UGT1A9: variants seen among roughly 807,000 people sequenced by gnomAD.
UGT1A9 encodes UDP-glucuronosyltransferase 1A9.
A neutral mutation model predicts 45.0 loss-of-function variants in UGT1A9; 35 were observed. That is an observed-to-expected ratio of 0.78 (90% CI 0.59 to 1.03). UGT1A9 has a LOEUF of 1.03. Among genes scored for constraint, UGT1A9 ranks in the 50% least tolerant of loss-of-function variants. The pLI is 0.00. For missense variants in UGT1A9, 687 were observed against 666.6 expected (o/e 1.03, Z -0.34); for synonymous variants, 278 against 250.6 (o/e 1.11, Z -1.03).
At chr2:233,683,891 C>T (rs1216790606) in intron 1 of UGT1A9, among the ~76,000 whole-genome samples, 12 of 152,068 alleles carry the variant, frequency 7.9e-5, no homozygotes, top group Non-Finnish European at 1.8e-4. Context: ...GGTATTTATA[C>T]CTCTTATTTT....
intron 1 of UGT1A9, among the ~76,000 whole-genome samples, chr2:233,736,258 T>G (rs1302567098): frequency 2.0e-5 from 3 of 152,238 alleles, no homozygotes; most frequent in Non-Finnish European, 2.9e-5. Flanking sequence ...ATTTCATTAA[T>G]TTGATCTTCA....
chr2:233,699,520 G>A (rs998793115), intron 1 of UGT1A9, among the ~76,000 whole-genome samples: 3 of 152,142 alleles, frequency 2.0e-5, no homozygotes, highest in Non-Finnish European at 2.9e-5. Flanking sequence ...CAAGCCTTCC[G>A]AAGGACAGGG....
intron 1 of UGT1A9, chr2:233,754,615 C>T (rs1360410521): frequency 2.3e-6 from 1 of 438,040 alleles, no homozygotes; most frequent in Non-Finnish European, 4.6e-6. Context: ...TCTCCATCTT[C>T]CTCCACTTCC....
intron 1 of UGT1A9, chr2:233,713,393 T>C (rs780535548): frequency 4.3e-6 from 7 of 1,614,220 alleles, no homozygotes; most frequent in South Asian, 3.3e-5. Flanking sequence ...TACTGCATAA[T>C]GAGGCCCTGA....
chr2:233,764,152 G>C (rs1467176799), intron 1 of UGT1A9, among the ~76,000 whole-genome samples: 3 of 152,176 alleles, frequency 2.0e-5, no homozygotes, highest in Non-Finnish European at 2.9e-5. Flanking sequence ...ATTTTGGCTG[G>C]TGAAGTCTCA....
chr2:233,692,548 A>G (rs904295361), intron 1 of UGT1A9, among the ~76,000 whole-genome samples: 3 of 152,216 alleles, frequency 2.0e-5, no homozygotes, highest in African/African-American at 7.2e-5. Context: ...TCAGAATGGA[A>G]TTGAATTGTA....
chr2:233,754,969 T>G (rs1369050195), intron 1 of UGT1A9: 1 of 1,302,528 alleles, frequency 7.7e-7, no homozygotes, highest in East Asian at 4.6e-5. Flanking sequence ...AAGAACTCCC[T>G]GAAGACCTCG....
chr2:233,739,854 G>A (rs1377915953), intron 1 of UGT1A9, among the ~76,000 whole-genome samples: 3 of 151,892 alleles, frequency 2.0e-5, no homozygotes, highest in Non-Finnish European at 4.4e-5. Context: ...ATGGGCCAGA[G>A]GGCAGAATGA....
chr2:233,717,696 G>A (rs1442424545), intron 1 of UGT1A9: 1 of 445,086 alleles, frequency 2.2e-6, no homozygotes, highest in Non-Finnish European at 4.6e-6. Context: ...GTGACTTTCT[G>A]GAGCAGGACG....
chr2:233,746,979 C>T (rs908945089), intron 1 of UGT1A9, among the ~76,000 whole-genome samples: 13 of 151,732 alleles, frequency 8.6e-5, no homozygotes, highest in African/African-American at 1.9e-4. Flanking sequence ...CCAGAGCGAG[C>T]GCAGGGTCAG....
At chr2:233,738,769 T>C (rs1352838892) in intron 1 of UGT1A9, among the ~76,000 whole-genome samples, 4 of 152,188 alleles carry the variant, frequency 2.6e-5, no homozygotes, top group Non-Finnish European at 5.9e-5. Context: ...ACCCATTTTA[T>C]GGGGAGAAAT....
Position 233,701,581 on chromosome 2 carries a change from C to A in UGT1A9, c.855+28792C>A, listed in dbSNP as rs545182540. 1.6e-3 allele frequency among the ~76,000 whole-genome samples: 239 copies of A among 152,228 alleles called. 2 individuals carry two copies. The highest frequency in any genetic ancestry group is 5.4e-3 in the African/African-American group (224 of 41,532). ...ACACCACACCTACTCCAAAATTGACCACATAGTTGGAAGTAAAGCACTCCT... is the reference window on the plus strand; with the variant it reads ...ACACCACACCTACTCCAAAATTGACAACATAGTTGGAAGTAAAGCACTCCT... On this transcript the variant is annotated intron_variant, in intron 1 of 4. Transcript: ENST00000354728.
intron 1 of UGT1A9, among the ~76,000 whole-genome samples, chr2:233,756,699 T>C (rs1393034568): frequency 2.0e-5 from 3 of 152,130 alleles, no homozygotes; most frequent in Non-Finnish European, 4.4e-5. Flanking sequence ...ACGATGAATT[T>C]TGGGGGGACT....
At chr2:233,719,602 T>C (rs764921647) in intron 1 of UGT1A9, 45 of 1,614,062 alleles carry the variant, frequency 2.8e-5, no homozygotes, top group Admixed American at 5.0e-5. Flanking sequence ...CGAGGGGACT[T>C]TGTGATGGAC....
At chr2:233,747,164 A>C (rs559745186) in intron 1 of UGT1A9, 19 of 1,590,218 alleles carry the variant, frequency 1.2e-5, no homozygotes, top group Non-Finnish European at 1.6e-5. Context: ...AAACAAATGT[A>C]GGAGGCACAG....
At chr2:233,695,130 CTTTT>C (rs71398796) in intron 1 of UGT1A9, among the ~76,000 whole-genome samples, 1 of 138,840 alleles carries the variant, frequency 7.2e-6, no homozygotes, top group Non-Finnish European at 1.5e-5. Flanking sequence ...CTTTTCTTTT[CTTTT>C]TTTTTTTTTT....
intron 1 of UGT1A9, chr2:233,743,865 C>T (rs988813505): frequency 2.0e-5 from 27 of 1,367,074 alleles, no homozygotes; most frequent in Non-Finnish European, 2.5e-5. Flanking sequence ...TTCTTGATGG[C>T]CTCGGATGAG....
At chr2:233,705,367 T>C (rs1178136392) in intron 1 of UGT1A9, among the ~76,000 whole-genome samples, 3 of 152,240 alleles carry the variant, frequency 2.0e-5, no homozygotes, top group African/African-American at 7.2e-5. Flanking sequence ...GTTTTGCTTT[T>C]ATTTTGTTTG....
rs1226545500 is a variant in UGT1A9 at position 233,773,111 on chromosome 2, T to C, written c.*552T>C. On this transcript the variant is annotated 3_prime_UTR_variant, in exon 5 of 5. Transcript: ENST00000354728. ...GCACTGAGAACAGCATATGATTTCT[T>C]GCTTTGGGGAAAAAGAATGATGCTA... The C allele has an allele frequency of 6.4e-6, 1 of 155,166 alleles. No individual in the cohort carries two copies. Among genetic ancestry groups the C allele is most frequent in the Non-Finnish European group, 1.4e-5 (1 of 69,776 alleles). 9.6% of individuals were successfully genotyped at this position (155,166 alleles called of 1,614,324 possible).
Sources: gnomAD v4.1 joint callset for allele counts (sites outside exome capture counted in the v4.1 genomes callset) on GRCh38, gnomAD v4.1.1 for gene constraint, MANE v1.5 for transcripts, NCBI Gene and HGNC (gene_info 2026-07-23, HGNC 2026-07-21) for gene names.